The following ARB2A variants were observed in gnomAD, a reference collection of about 807,000 sequenced individuals.
The protein encoded by ARB2A is cotranscriptional regulator ARB2A.
the ARB2A span, among the ~76,000 whole-genome samples, chr5:93,920,710 A>T: frequency 2.6e-5 from 4 of 152,204 alleles, no homozygotes; most frequent in African/African-American, 9.6e-5. Flanking sequence ...TTCACAGTTG[A>T]GAGAAATGTA....
chr5:94,009,109 T>C, the ARB2A span, among the ~76,000 whole-genome samples: 5 of 152,110 alleles, frequency 3.3e-5, no homozygotes, highest in Non-Finnish European at 7.4e-5. Flanking sequence ...GGTTAGTTTT[T>C]ATAAATCCTT....
the ARB2A span, among the ~76,000 whole-genome samples, chr5:93,790,299 A>G: frequency 6.6e-6 from 1 of 152,240 alleles, no homozygotes; most frequent in Non-Finnish European, 1.5e-5. Flanking sequence ...AAAATATGCC[A>G]TGTAAACTAC....
At chr5:94,054,866 C>T in the ARB2A span, among the ~76,000 whole-genome samples, 2 of 152,194 alleles carry the variant, frequency 1.3e-5, no homozygotes, top group African/African-American at 2.4e-5. Flanking sequence ...TCCAATACTA[C>T]ATCATTCATT....
the ARB2A span, among the ~76,000 whole-genome samples, chr5:94,037,057 T>A: frequency 3.9e-5 from 6 of 152,184 alleles, no homozygotes; most frequent in Non-Finnish European, 8.8e-5. Flanking sequence ...TGATTGCACC[T>A]TAACATAAAA....
the ARB2A span, among the ~76,000 whole-genome samples, chr5:93,904,403 T>G: frequency 6.6e-6 from 1 of 151,880 alleles, no homozygotes; most frequent in African/African-American, 2.4e-5. Flanking sequence ...TTACGGAATA[T>G]TTCAGAGTTC....
At chr5:93,627,447 T>TTTTTG in the ARB2A span, among the ~76,000 whole-genome samples, 1 of 148,406 alleles carries the variant, frequency 6.7e-6, no homozygotes, top group African/African-American at 2.5e-5. Flanking sequence ...TGTTTTGTTT[T>TTTTTG]TTTTTTTTTT....
chr5:93,887,319 C>T, the ARB2A span, among the ~76,000 whole-genome samples: 1 of 150,176 alleles, frequency 6.7e-6, no homozygotes, highest in South Asian at 2.1e-4. Flanking sequence ...AGACTGTCAG[C>T]TGCCTTCAAA....
the ARB2A span, among the ~76,000 whole-genome samples, chr5:93,935,132 T>C: frequency 1.3e-5 from 2 of 152,132 alleles, no homozygotes; most frequent in South Asian, 2.1e-4. Context: ...TTGGGTACGA[T>C]GTACACTGCT....
the ARB2A span, among the ~76,000 whole-genome samples, chr5:93,669,480 C>T: frequency 6.8e-6 from 1 of 146,252 alleles, no homozygotes; most frequent in Non-Finnish European, 1.5e-5. Context: ...AAGGGTTACT[C>T]AGCCATTTAA....
the ARB2A span, among the ~76,000 whole-genome samples, chr5:93,811,852 C>CAGA: frequency 6.6e-6 from 1 of 152,238 alleles, no homozygotes; most frequent in Admixed American, 6.5e-5. Flanking sequence ...GCAAGAGACT[C>CAGA]ATAAATCCTA....
chr5:93,874,439 G>A, the ARB2A span, among the ~76,000 whole-genome samples: 8 of 152,154 alleles, frequency 5.3e-5, no homozygotes, highest in African/African-American at 1.9e-4. Flanking sequence ...GAGCTTCCAG[G>A]TTAGTAAACA....
the ARB2A span, chr5:93,741,023 G>C: frequency 1.2e-6 from 2 of 1,613,692 alleles, no homozygotes; most frequent in Non-Finnish European, 1.7e-6. Flanking sequence ...AGCAGTGGTC[G>C]CAGCTTCCAC....
At chr5:93,766,107 C>T in the ARB2A span, among the ~76,000 whole-genome samples, 10 of 152,096 alleles carry the variant, frequency 6.6e-5, no homozygotes, top group African/African-American at 1.9e-4. Flanking sequence ...CTAGGCAATA[C>T]CATTCAGGAC....
At chr5:93,954,104 T>C in the ARB2A span, among the ~76,000 whole-genome samples, 2 of 152,286 alleles carry the variant, frequency 1.3e-5, no homozygotes, top group East Asian at 1.9e-4. Context: ...AAGAAGGTTG[T>C]TGGGGCTCTA....
the ARB2A span, among the ~76,000 whole-genome samples, chr5:94,103,929 A>T: frequency 6.6e-6 from 1 of 152,058 alleles, no homozygotes; most frequent in Non-Finnish European, 1.5e-5. Flanking sequence ...AATGAAATTA[A>T]GACAGAATTC....
the ARB2A span, among the ~76,000 whole-genome samples, chr5:93,955,506 A>G: frequency 3.9e-5 from 6 of 152,248 alleles, no homozygotes; most frequent in Non-Finnish European, 5.9e-5. Flanking sequence ...TGAATAATCC[A>G]TCTATGAGAA....
At chr5:94,068,862 C>G in the ARB2A span, among the ~76,000 whole-genome samples, 1 of 62,352 alleles carries the variant, frequency 1.6e-5, no homozygotes, top group Admixed American at 1.9e-4. Flanking sequence ...ACTAAAAATA[C>G]AAAAAAAAAA....
At chr5:93,783,040 G>A in the ARB2A span, among the ~76,000 whole-genome samples, 1 of 151,982 alleles carries the variant, frequency 6.6e-6, no homozygotes, top group African/African-American at 2.4e-5. Context: ...TTTTTGAAAG[G>A]AACACCTAAT....
the ARB2A span, among the ~76,000 whole-genome samples, chr5:93,658,462 G>A: frequency 6.6e-6 from 1 of 151,992 alleles, no homozygotes; most frequent in Non-Finnish European, 1.5e-5. Flanking sequence ...TTTCTTTGAC[G>A]AGAATCTGTG....
Sources: gnomAD v4.1 joint callset for allele counts (sites outside exome capture counted in the v4.1 genomes callset) on GRCh38, gnomAD v4.1.1 for gene constraint, MANE v1.5 for transcripts, NCBI Gene and HGNC (gene_info 2026-07-23, HGNC 2026-07-21) for gene names.